Variants in MYO18B observed in about 807,000 individuals in gnomAD.
MYO18B encodes myosin XVIIIB.
MYO18B carries 204 observed loss-of-function variants against 273.0 expected under a neutral mutation model. The ratio of observed to expected loss-of-function variants is 0.75; its 90% CI spans 0.67 to 0.84. The LOEUF (loss-of-function observed/expected upper bound fraction) is 0.84. MYO18B is among the 40% of genes least tolerant of loss of function. MYO18B has a pLI of 0.00. For missense variants in MYO18B, 3,212 were observed against 3,287.6 expected (o/e 0.98, Z 0.56); for synonymous variants, 1,330 against 1,305.7 (o/e 1.02, Z -0.40).
At chr22:25,876,630 C>CTATATTTA (rs990824974) in intron 24 of MYO18B, among the ~76,000 whole-genome samples, 1 of 149,568 alleles carries the variant, frequency 6.7e-6, no homozygotes, top group Non-Finnish European at 1.5e-5. Flanking sequence ...TCTTTGAGTC[C>CTATATTTA]TTTATTTATT....
intron 22 of MYO18B, among the ~76,000 whole-genome samples, chr22:25,870,534 C>T (rs1395579390): frequency 3.3e-5 from 5 of 152,162 alleles, no homozygotes; most frequent in South Asian, 2.1e-4. Context: ...GTTGTGTATG[C>T]GTCTATTGTT....
intron 15 of MYO18B, among the ~76,000 whole-genome samples, chr22:25,831,184 C>T (rs1253233425): frequency 6.6e-6 from 1 of 152,138 alleles, no homozygotes; most frequent in African/African-American, 2.4e-5. Context: ...TGTTGTCTGT[C>T]ATTTTCCTCA....
chr22:26,008,117 C>T (rs1601820377), intron 42 of MYO18B, among the ~76,000 whole-genome samples: 1 of 152,292 alleles, frequency 6.6e-6, no homozygotes, highest in African/African-American at 2.4e-5. Flanking sequence ...GGAGATCTTT[C>T]CTTACCAGTA....
At chr22:25,876,449 G>A (rs2091201219) in intron 24 of MYO18B, 117 bp downstream of exon 24, 1 of 1,162,566 alleles carries the variant, frequency 8.6e-7, no homozygotes, top group African/African-American at 1.6e-5. Flanking sequence ...GGAATGCTCA[G>A]CCCAACAGCC....
chr22:25,797,524 A>G (rs924540682), intron 11 of MYO18B, among the ~76,000 whole-genome samples: 6 of 152,116 alleles, frequency 3.9e-5, no homozygotes, highest in Admixed American at 3.9e-4. Flanking sequence ...TATAGACCCT[A>G]TATGGCCTAT....
Position 25,781,812 on chromosome 22 carries a change from G to T in MYO18B, c.2290G>T (p.Ala764Ser), listed in dbSNP as rs762516694. 1.3e-6 allele frequency: 2 copies of T among 1,590,164 alleles called. No homozygotes were observed. The highest frequency in any genetic ancestry group is 2.7e-5 in the African/African-American group (2 of 74,154). The change falls in exon 10 of 44, where the codon GCT becomes TCT. Residue 764 changes from alanine to serine, a missense_variant. By Grantham distance (99) the Ala-to-Ser change is moderately conservative. Transcript: ENST00000335473. ...SNFLVFSQMLAGLDLDLRTEL... is the reference protein window; with the variant it reads ...SNFLVFSQMLSGLDLDLRTEL... The stretch of plus-strand genomic sequence containing the variant: ...CTTCCTGGTTTTCTCCCAGATGCTG[G>T]CTGGATTGGACTTGGATCTCAGGTG...
intron 17 of MYO18B, among the ~76,000 whole-genome samples, chr22:25,839,297 T>C (rs900400970): frequency 6.6e-6 from 1 of 152,160 alleles, no homozygotes; most frequent in Non-Finnish European, 1.5e-5. Flanking sequence ...TATATTTTCA[T>C]GGAGGAAGGT....
chr22:25,950,220 A>G (rs2092774354), intron 36 of MYO18B, 147 bp from the exon 37 acceptor site: 1 of 624,008 alleles, frequency 1.6e-6, no homozygotes, highest in South Asian at 2.2e-5. Context: ...TGTGAGAGGT[A>G]ATTTTTGGGA....
intron 34 of MYO18B, among the ~76,000 whole-genome samples, chr22:25,933,490 G>A (rs1026237877): frequency 1.3e-5 from 2 of 152,072 alleles, no homozygotes; most frequent in Admixed American, 6.5e-5. Flanking sequence ...CATGTTTCTC[G>A]TTAGAGAAAT....
At chr22:25,909,151 C>T (rs146375529) in intron 32 of MYO18B, among the ~76,000 whole-genome samples, 4 of 152,260 alleles carry the variant, frequency 2.6e-5, no homozygotes, top group East Asian at 3.9e-4. Flanking sequence ...TAACCAGTGC[C>T]GAGATAAACA....
intron 27 of MYO18B, among the ~76,000 whole-genome samples, chr22:25,893,131 A>G (rs994376800): frequency 7.2e-5 from 11 of 152,272 alleles, no homozygotes; most frequent in Admixed American, 2.6e-4. Flanking sequence ...GAAATTTGAA[A>G]GAAGCAGTAA....
intron 25 of MYO18B, 100 bp from the exon 26 acceptor site, chr22:25,890,656 A>G: frequency 1.3e-6 from 2 of 1,496,644 alleles, no homozygotes; most frequent in Non-Finnish European, 1.8e-6. Flanking sequence ...TTGCTTTCCC[A>G]TGATAGTGAT....
intron 39 of MYO18B, among the ~76,000 whole-genome samples, chr22:25,990,636 G>A (rs147868435): frequency 3.7e-5 from 5 of 133,372 alleles, no homozygotes; most frequent in African/African-American, 1.3e-4. Flanking sequence ...GCAGTGAGCT[G>A]AGATCATGCC....
intron 11 of MYO18B, among the ~76,000 whole-genome samples, chr22:25,792,304 A>G (rs902594582): frequency 1.3e-5 from 2 of 152,046 alleles, no homozygotes; most frequent in African/African-American, 4.8e-5. Flanking sequence ...ATACGTGCTC[A>G]GTGAACACTT....
the MYO18B span, among the ~76,000 whole-genome samples, chr22:26,053,822 G>A: frequency 6.6e-6 from 1 of 152,196 alleles, no homozygotes; most frequent in African/African-American, 2.4e-5. Flanking sequence ...TAGCTATGAA[G>A]GAATCTGAAT....
In MYO18B at chr22:25,893,881, A is replaced by G. The variant is rs918011751; in HGVS notation, c.4544-1275A>G. Among the ~76,000 whole-genome samples the G allele has an allele frequency of 3.3e-5, 5 of 151,744 alleles. No homozygotes were observed. The East Asian group carries it at 9.7e-4, about 29-fold the overall frequency. On this transcript the variant is annotated intron_variant, in intron 27 of 43. Transcript: ENST00000335473. ...TACCCTACCACTTATTTATATATCA[A>G]TCCATGCATTCATCCACCCATGCAC...
chr22:25,848,669 C>A (rs1326978171), intron 20 of MYO18B, among the ~76,000 whole-genome samples: 1 of 152,112 alleles, frequency 6.6e-6, no homozygotes, highest in African/African-American at 2.4e-5. Flanking sequence ...ACCTGATGTC[C>A]CCACATTAGC....
chr22:26,044,272 G>A, the MYO18B span, among the ~76,000 whole-genome samples: 3 of 152,126 alleles, frequency 2.0e-5, no homozygotes, highest in African/African-American at 7.2e-5. Context: ...TCCAGTCTGT[G>A]GTTTGCCTAT....
At chr22:25,921,455 T>C (rs759066816) in intron 34 of MYO18B, 46 bp downstream of exon 34, 1 of 1,570,422 alleles carries the variant, frequency 6.4e-7, no homozygotes, top group Non-Finnish European at 8.6e-7. Flanking sequence ...GGGAGGATGC[T>C]ACGACCTGCA....
Sources: allele counts gnomAD v4.1 joint callset (sites outside exome capture counted in the v4.1 genomes callset), GRCh38; gene constraint gnomAD v4.1.1; transcripts MANE v1.5; gene names NCBI Gene and HGNC (gene_info 2026-07-23, HGNC 2026-07-21).